The following AGPS variants were observed in gnomAD, a reference collection of about 807,000 sequenced individuals.
AGPS encodes the protein alkyldihydroxyacetonephosphate synthase, peroxisomal.
In AGPS, 26 loss-of-function variants were observed where a neutral mutation model predicts 90.7. The observed-to-expected ratio is 0.29, with a 90% CI of 0.21 to 0.40. The LOEUF (loss-of-function observed/expected upper bound fraction) is 0.40. Ranked by LOEUF, AGPS falls within the 10% of genes least tolerant of loss-of-function variation. AGPS has a pLI of 1.00. For missense variants in AGPS, 540 were observed against 816.1 expected (o/e 0.66, Z 4.12); for synonymous variants, 294 against 285.3 (o/e 1.03, Z -0.31).
At chr2:177,485,979 G>A (rs1026760570) in intron 11 of AGPS, among the ~76,000 whole-genome samples, 2 of 152,170 alleles carry the variant, frequency 1.3e-5, no homozygotes, top group African/African-American at 4.8e-5. Flanking sequence ...GATAATGATT[G>A]ATAGACAGTG....
chr2:177,409,145 A>G (rs1340604953), intron 1 of AGPS, among the ~76,000 whole-genome samples: 1 of 88,998 alleles, frequency 1.1e-5, no homozygotes, highest in Admixed American at 1.4e-4. Context: ...TGTCACTTAA[A>G]GTAGAAGGGG....
chr2:177,448,413 A>G (rs1479808531), intron 8 of AGPS, among the ~76,000 whole-genome samples: 3 of 152,234 alleles, frequency 2.0e-5, no homozygotes, highest in African/African-American at 7.2e-5. Context: ...TCCAAAATTT[A>G]TATTATCATC....
intron 8 of AGPS, among the ~76,000 whole-genome samples, chr2:177,450,609 T>C (rs1686908864): frequency 1.3e-5 from 2 of 152,182 alleles, no homozygotes; most frequent in Non-Finnish European, 2.9e-5. Flanking sequence ...TGTCTATATA[T>C]GTCTGCTTCT....
chr2:177,423,509 TATAAC>T lies in AGPS; in HGVS notation c.350+3153_350+3157del, dbSNP rs1409623348. Among the ~76,000 whole-genome samples the T allele has an allele frequency of 6.1e-4, 93 of 152,118 alleles. No individual in the cohort carries two copies. In the Middle Eastern group the frequency reaches 0.01, roughly 17 times the overall value. ...TGGATAAAATATTAGAAGAAAGAAA[TATAAC>T]AGAGCTGGAAAGAAAGAAAGGGAAA... On this transcript the variant is annotated intron_variant, in intron 2 of 19. Transcript: ENST00000264167.
intron 1 of AGPS, among the ~76,000 whole-genome samples, chr2:177,398,856 G>C (rs1035061128): frequency 3.8e-4 from 58 of 152,312 alleles, no homozygotes; most frequent in African/African-American, 1.4e-3. Flanking sequence ...GAATGAAAGG[G>C]AATTAGGAAG....
At chr2:177,464,287 T>A (rs1244534635) in intron 9 of AGPS, among the ~76,000 whole-genome samples, 2 of 152,208 alleles carry the variant, frequency 1.3e-5, no homozygotes, top group Non-Finnish European at 2.9e-5. Flanking sequence ...CAATATATAG[T>A]ATCCTCTGAA....
At chr2:177,458,125 A>C (rs879876413) in intron 8 of AGPS, among the ~76,000 whole-genome samples, 4 of 152,184 alleles carry the variant, frequency 2.6e-5, no homozygotes, top group Admixed American at 2.6e-4. Flanking sequence ...AAAGGCCTTC[A>C]ATAAAATTCA....
intron 11 of AGPS, among the ~76,000 whole-genome samples, chr2:177,490,370 A>T (rs1385943125): frequency 6.6e-6 from 1 of 152,184 alleles, no homozygotes; most frequent in East Asian, 1.9e-4. Context: ...ATAACTGAAA[A>T]ACTCTACTGA....
rs1250011213 is a variant in AGPS, at chr2:177,521,470, A to G, written c.1797+102A>G. ...TTAAGTTGAGTCTCTTTAATCACAC[A>G]TGGTTTGCCTAGCTGTTAGCCCTTA... On this transcript the variant is annotated intron_variant, in intron 18 of 19. Transcript: ENST00000264167. 8 of 985,524 alleles carry G rather than the reference A, an allele frequency of 8.1e-6. No individual in the cohort carries two copies. In the Admixed American group the frequency reaches 9.1e-5, roughly 11 times the overall value. 61.0% of individuals were successfully genotyped at this position (985,524 alleles called of 1,614,324 possible). A position where few individuals can be genotyped will look rare whatever the true frequency, so the allele number is the denominator to read the frequency against.
chr2:177,468,668 A>G (rs1354940611), intron 10 of AGPS, 144 bp downstream of exon 10: 4 of 620,676 alleles, frequency 6.4e-6, no homozygotes, highest in Non-Finnish European at 1.1e-5. Flanking sequence ...TTTTAAGACT[A>G]TAAAGTTTTA....
chr2:177,466,187 C>T (rs1687442489), intron 9 of AGPS, among the ~76,000 whole-genome samples: 1 of 152,032 alleles, frequency 6.6e-6, no homozygotes, highest in South Asian at 2.1e-4. Flanking sequence ...GTGGGTAGCT[C>T]CTCTCCATAA....
At chr2:177,461,819 G>A (rs1361755957) in intron 8 of AGPS, 74 bp from the exon 9 acceptor site, 3 of 1,350,478 alleles carry the variant, frequency 2.2e-6, no homozygotes, top group Non-Finnish European at 3.1e-6. Flanking sequence ...TTTAAAGTGG[G>A]AGGAGTTAAT....
At chr2:177,431,067 A>G (rs534134500) in intron 2 of AGPS, among the ~76,000 whole-genome samples, 15 of 152,186 alleles carry the variant, frequency 9.9e-5, no homozygotes, top group Non-Finnish European at 2.2e-4. Flanking sequence ...ACCCACCCCC[A>G]GTATTTCAAC....
chr2:177,443,206 C>T (rs1419121681), intron 7 of AGPS, among the ~76,000 whole-genome samples: 6 of 152,022 alleles, frequency 3.9e-5, no homozygotes, highest in Non-Finnish European at 8.8e-5. Flanking sequence ...AAAAGTAATT[C>T]TTTATGTTAT....
At chr2:177,446,426 C>A (rs964037242) in intron 8 of AGPS, among the ~76,000 whole-genome samples, 3 of 152,138 alleles carry the variant, frequency 2.0e-5, no homozygotes, top group Non-Finnish European at 4.4e-5. Flanking sequence ...CAGGCGTGAG[C>A]CACCACGCCT....
chr2:177,522,918 C>T (rs1222563157), intron 18 of AGPS, among the ~76,000 whole-genome samples: 1 of 152,168 alleles, frequency 6.6e-6, no homozygotes, highest in Non-Finnish European at 1.5e-5. Context: ...TATATATTCA[C>T]GAATCATTAG....
Position 177,482,211 on chromosome 2 carries a change from A to G in AGPS, c.1233+25A>G. On this transcript the variant is annotated intron_variant, in intron 11 of 19. Coordinates refer to ENST00000264167, the MANE Select transcript of AGPS (RefSeq NM_003659.4). Reference sequence around the variant, plus strand: ...GGTAAAAGAAAAAATATATATATATACATACATACATATATGTTTATGTAT... The same window carrying G: ...GGTAAAAGAAAAAATATATATATATGCATACATACATATATGTTTATGTAT... 4.2e-6 allele frequency: 5 copies of G among 1,200,856 alleles called. No individual in the cohort carries two copies. The Middle Eastern group carries it at 1.1e-3, about 262-fold the overall frequency. 74.4% of individuals were successfully genotyped at this position (1,200,856 alleles called of 1,614,324 possible).
At chr2:177,490,384 T>C (rs1240778429) in intron 11 of AGPS, among the ~76,000 whole-genome samples, 2 of 152,186 alleles carry the variant, frequency 1.3e-5, no homozygotes, top group African/African-American at 4.8e-5. Context: ...CTACTGACTT[T>C]TTAAAAATCT....
At chr2:177,503,081 T>C (rs1483479200) in intron 14 of AGPS, among the ~76,000 whole-genome samples, 1 of 152,190 alleles carries the variant, frequency 6.6e-6, no homozygotes, top group Non-Finnish European at 1.5e-5. Context: ...TATGAAGTAT[T>C]CCCAACAATT....
Sources: gnomAD v4.1 joint callset for allele counts (sites outside exome capture counted in the v4.1 genomes callset) on GRCh38, gnomAD v4.1.1 for gene constraint, MANE v1.5 for transcripts, NCBI Gene and HGNC (gene_info 2026-07-23, HGNC 2026-07-21) for gene names.